The following PHACTR1 variants were observed in gnomAD, a reference collection of about 807,000 sequenced individuals.
PHACTR1 encodes the protein RPEL repeat containing 1.
In PHACTR1, 16 loss-of-function variants were observed where a neutral mutation model predicts 69.2. The observed-to-expected ratio is 0.23, with a 90% confidence interval of 0.16 to 0.35. PHACTR1 has a LOEUF of 0.35. Among genes scored for constraint, PHACTR1 ranks in the 10% least tolerant of loss-of-function variants. The pLI is 1.00. For missense variants in PHACTR1, 510 were observed against 734.7 expected, an observed-to-expected ratio of 0.69 and a Z score of 3.54; for synonymous variants, 312 against 284.5, an observed-to-expected ratio of 1.10 and a Z score of -0.97.
At chr6:13,177,248 G>A (rs917839692) in intron 6 of PHACTR1, among the ~76,000 whole-genome samples, 2 of 149,574 alleles carry the variant, frequency 1.3e-5, no homozygotes, top group Non-Finnish European at 3.0e-5. Context: ...TACTTGGGAG[G>A]CTGAAGTGAG....
chr6:12,749,540 C>T (rs1252525940), intron 3 of PHACTR1, 104 bp from the exon 4 acceptor site: 31 of 399,462 alleles, frequency 7.8e-5, no homozygotes, highest in Non-Finnish European at 1.3e-4. Context: ...CCCTTCCTCT[C>T]CCCTCCCCCT....
intron 4 of PHACTR1, among the ~76,000 whole-genome samples, chr6:12,877,265 T>C (rs1782619143): frequency 6.6e-6 from 1 of 152,202 alleles, no homozygotes; most frequent in African/African-American, 2.4e-5. Flanking sequence ...ATGACTTGTA[T>C]GTATGCTTGT....
intron 4 of PHACTR1, among the ~76,000 whole-genome samples, chr6:12,983,855 G>A (rs972118504): frequency 1.1e-4 from 17 of 152,238 alleles, no homozygotes; most frequent in African/African-American, 4.1e-4. Flanking sequence ...CTTCATCCAT[G>A]CCCCTACAAA....
At chr6:12,882,710 C>A (rs546741581) in intron 4 of PHACTR1, among the ~76,000 whole-genome samples, 3 of 152,174 alleles carry the variant, frequency 2.0e-5, no homozygotes, top group Non-Finnish European at 4.4e-5. Flanking sequence ...CAAACCCTAT[C>A]GCCCTTCTGG....
At chr6:13,095,671 G>A (rs1391479602) in intron 5 of PHACTR1, among the ~76,000 whole-genome samples, 2 of 150,522 alleles carry the variant, frequency 1.3e-5, no homozygotes, top group African/African-American at 2.4e-5. Context: ...TGCAGGCAAA[G>A]GGTGGAGGAA....
intron 4 of PHACTR1, among the ~76,000 whole-genome samples, chr6:12,827,901 A>G (rs932752701): frequency 6.6e-6 from 1 of 152,204 alleles, no homozygotes; most frequent in Non-Finnish European, 1.5e-5. Context: ...GAAGCTTGCA[A>G]TAAATAGAAT....
At chr6:12,933,205 A>T (rs970062352) in intron 4 of PHACTR1, among the ~76,000 whole-genome samples, 1 of 152,016 alleles carries the variant, frequency 6.6e-6, no homozygotes, top group South Asian at 2.1e-4. Flanking sequence ...GCCCTCCCAA[A>T]GTGCTGGGAT....
intron 4 of PHACTR1, among the ~76,000 whole-genome samples, chr6:12,834,993 A>G (rs1002685312): frequency 6.6e-6 from 1 of 152,162 alleles, no homozygotes. Flanking sequence ...CTCACAACCA[A>G]TTAACAATGA....
At chr6:12,920,963 G>A (rs1045083345) in intron 4 of PHACTR1, among the ~76,000 whole-genome samples, 8 of 152,322 alleles carry the variant, frequency 5.3e-5, no homozygotes, top group Admixed American at 5.2e-4. Flanking sequence ...ACTGGGTTTG[G>A]CATTTGATTT....
intron 5 of PHACTR1, among the ~76,000 whole-genome samples, chr6:13,144,174 C>A (rs1822924989): frequency 6.6e-6 from 1 of 152,124 alleles, no homozygotes. Flanking sequence ...ACTGTTTTCA[C>A]CTCTTCTGTT....
chr6:12,911,887 C>A lies in PHACTR1; in HGVS notation c.251-141478C>A, dbSNP rs570916699. 2.6e-5 allele frequency among the ~76,000 whole-genome samples: 4 copies of A among 152,286 alleles called. No individual in the cohort carries two copies. The South Asian group carries it at 8.3e-4, about 32-fold the overall frequency. On this transcript the variant is annotated intron_variant, in intron 4 of 14. Transcript: ENST00000332995. ...CCAGAAAGCTCTATTAACTTTATTA[C>A]CTGAAAACAAATCAATCAAAGAGGA...
chr6:12,820,965 G>T (rs969282383), intron 4 of PHACTR1, among the ~76,000 whole-genome samples: 1 of 152,092 alleles, frequency 6.6e-6, no homozygotes, highest in African/African-American at 2.4e-5. Flanking sequence ...CTTTACTTTT[G>T]TTTGACACTT....
At position 13,273,232 on chromosome 6, in the gene PHACTR1, C is replaced by A. The variant is rs537252815; in HGVS notation, c.1447+317C>A. 4 of 317,750 alleles carry A rather than the reference C, an allele frequency of 1.3e-5. No homozygotes were observed. The South Asian group carries it at 2.5e-4, about 20-fold the overall frequency. 19.7% of individuals were successfully genotyped at this position (317,750 alleles called of 1,614,324 possible). On this transcript the variant is annotated intron_variant, in intron 11 of 14. Coordinates refer to ENST00000332995, the MANE Select transcript of PHACTR1 (RefSeq NM_030948.6). ...ATTTAATGATTTTTAAGAGCAGGGT[C>A]ACCTTTAAACCAGAATTGGCTTGAA... is the stretch of plus-strand genomic sequence containing the variant.
intron 6 of PHACTR1, among the ~76,000 whole-genome samples, chr6:13,164,701 T>A (rs1302472769): frequency 6.6e-6 from 1 of 152,222 alleles, no homozygotes; most frequent in Non-Finnish European, 1.5e-5. Flanking sequence ...GAAAATAAAC[T>A]AGTGATTTGA....
chr6:13,016,405 C>G (rs1800180535), intron 4 of PHACTR1, among the ~76,000 whole-genome samples: 1 of 152,124 alleles, frequency 6.6e-6, no homozygotes, highest in African/African-American at 2.4e-5. Flanking sequence ...ACTTGAAAGC[C>G]CTTCTAGAAA....
intron 4 of PHACTR1, among the ~76,000 whole-genome samples, chr6:13,007,683 T>C (rs1582936674): frequency 6.8e-6 from 1 of 146,682 alleles, no homozygotes; most frequent in African/African-American, 2.6e-5. Context: ...TTTTTTGAAC[T>C]TAAGAGGTAG....
intron 5 of PHACTR1, among the ~76,000 whole-genome samples, chr6:13,116,789 T>G (rs1018094026): frequency 6.6e-6 from 1 of 152,250 alleles, no homozygotes; most frequent in Admixed American, 6.5e-5. Context: ...TTGAGCATTT[T>G]ATTTGAGTGA....
chr6:13,287,477 A>AG lies in PHACTR1; in HGVS notation c.*403dup, dbSNP rs36077798. Reference sequence around the variant, plus strand: ...GTCATCTGAGTCCAAAGAAAGCTGAAGGGGTGGGTTTGTTTTGGGGGTACT... The same window carrying AG: ...GTCATCTGAGTCCAAAGAAAGCTGAAGGGGGTGGGTTTGTTTTGGGGGTACT... On this transcript the variant is annotated 3_prime_UTR_variant, in exon 15 of 15. Coordinates refer to ENST00000332995, the MANE Select transcript of PHACTR1 (RefSeq NM_030948.6). 0.13 allele frequency: 28,949 copies of AG among 231,168 alleles called. 6,242 individuals carry two copies. Among genetic ancestry groups the AG allele is most frequent in the African/African-American group, 0.52 (22,356 of 42,786 alleles). 14.3% of individuals were successfully genotyped at this position (231,168 alleles called of 1,614,324 possible).
intron 10 of PHACTR1, 188 bp from the exon 11 acceptor site, chr6:13,272,672 G>A (rs545449299): frequency 1.3e-5 from 20 of 1,497,420 alleles, no homozygotes; most frequent in South Asian, 1.1e-4. Context: ...CATGACGCAC[G>A]TGCCTCTCCT....
Sources: allele counts gnomAD v4.1 joint callset (sites outside exome capture counted in the v4.1 genomes callset), GRCh38; gene constraint gnomAD v4.1.1; transcripts MANE v1.5; gene names NCBI Gene and HGNC (gene_info 2026-07-23, HGNC 2026-07-21).